LYPD1: variants seen among roughly 807,000 people sequenced by gnomAD.
LYPD1 encodes ly6/PLAUR domain-containing protein 1.
Under a neutral mutation model 14.2 loss-of-function variants are expected in LYPD1, and 14 were observed. That is an observed-to-expected ratio of 0.99 (90% CI 0.65 to 1.54). The LOEUF is 1.54. Among genes scored for constraint, LYPD1 ranks in the 40% most tolerant of loss-of-function variants. The pLI is 0.00. For synonymous variants in LYPD1, 85 were observed against 70.6 expected, an observed-to-expected ratio of 1.20 and a Z score of -1.02; for missense variants, 165 against 175.7, an observed-to-expected ratio of 0.94 and a Z score of 0.34.
intron 2 of LYPD1, among the ~76,000 whole-genome samples, chr2:132,651,432 A>C (rs908797796): frequency 6.6e-6 from 1 of 152,148 alleles, no homozygotes; most frequent in Non-Finnish European, 1.5e-5. Flanking sequence ...CCATAAGCTC[A>C]GGTCTGGGCC....
At chr2:132,649,109 G>A (rs1682259166) in intron 2 of LYPD1, among the ~76,000 whole-genome samples, 1 of 152,206 alleles carries the variant, frequency 6.6e-6, no homozygotes, top group South Asian at 2.1e-4. Flanking sequence ...GGGTATGGAG[G>A]AGCTAGCTTT....
intron 2 of LYPD1, among the ~76,000 whole-genome samples, chr2:132,653,631 A>T (rs561088469): frequency 1.3e-5 from 2 of 152,224 alleles, no homozygotes; most frequent in Non-Finnish European, 2.9e-5. Context: ...CAGTGTATTT[A>T]TATAGTTTCA....
chr2:132,667,909 T>G (rs996053035), intron 2 of LYPD1, among the ~76,000 whole-genome samples: 5 of 152,232 alleles, frequency 3.3e-5, no homozygotes, highest in Non-Finnish European at 7.3e-5. Flanking sequence ...TGCCTGGAAG[T>G]TGATGCATTA....
intron 2 of LYPD1, among the ~76,000 whole-genome samples, chr2:132,655,705 G>A (rs1402183110): frequency 2.6e-5 from 4 of 151,754 alleles, no homozygotes; most frequent in Non-Finnish European, 5.9e-5. Context: ...TAGTAGAGAT[G>A]GGGTTTCATC....
At chr2:132,658,914 C>G (rs1164855316) in intron 2 of LYPD1, among the ~76,000 whole-genome samples, 1 of 151,840 alleles carries the variant, frequency 6.6e-6, no homozygotes. Context: ...TAACCTGGAC[C>G]CCAGCTTCCT....
At chr2:132,664,699 C>A (rs1010115179) in intron 2 of LYPD1, among the ~76,000 whole-genome samples, 15 of 152,166 alleles carry the variant, frequency 9.9e-5, no homozygotes, top group African/African-American at 3.6e-4. Context: ...AAGAAATTGG[C>A]TAGTCTATAA....
At chr2:132,662,611 G>C (rs1683017748) in intron 2 of LYPD1, among the ~76,000 whole-genome samples, 1 of 152,106 alleles carries the variant, frequency 6.6e-6, no homozygotes, top group South Asian at 2.1e-4. Context: ...GAGAGGGAGG[G>C]CAGGCAAGGG....
At chr2:132,651,168 C>T (rs1175077243) in intron 2 of LYPD1, among the ~76,000 whole-genome samples, 1 of 152,182 alleles carries the variant, frequency 6.6e-6, no homozygotes, top group Admixed American at 6.5e-5. Context: ...CCTTTCTTAC[C>T]ATTTAAAATC....
In LYPD1 at chr2:132,645,999, G is replaced by A. The variant is rs376468874; in HGVS notation, c.*46C>T. The A allele has an allele frequency of 4.9e-5, 70 of 1,418,138 alleles. No individual in the cohort carries two copies. The African/African-American group carries it at 7.2e-4, about 15-fold the overall frequency. 87.8% of individuals were successfully genotyped at this position (1,418,138 alleles called of 1,614,324 possible). ...CTCAGGGAGGTGGGGGGTTGGGGGC[G>A]AGGGCTGGAAGAACAATGCAGGAGG... On this transcript the variant is annotated 3_prime_UTR_variant, in exon 3 of 3. Transcript: ENST00000397463.
At chr2:132,664,105 A>C (rs2709520) in intron 2 of LYPD1, among the ~76,000 whole-genome samples, 76,994 of 151,904 alleles carry the variant, frequency 0.51, 20,596 homozygotes, top group East Asian at 0.66. Flanking sequence ...GCATGCACTC[A>C]AAAGAATACA....
chr2:132,669,052 T>C lies in LYPD1; in HGVS notation c.53-515A>G, dbSNP rs1240593692. Among the ~76,000 whole-genome samples, 1 of 152,216 alleles carries C rather than the reference T, an allele frequency of 6.6e-6. No homozygotes were observed. Among genetic ancestry groups the C allele is most frequent in the African/African-American group, 2.4e-5 (1 of 41,456 alleles). On this transcript the variant is annotated intron_variant, in intron 1 of 2. Transcript: ENST00000397463. The surrounding 1 kb of genome is among the most constrained non-coding windows in gnomAD (Gnocchi z 4.3). ...CTCTGAGGATCCCTGAGCGACCACC[T>C]GGGAACAACTTGGGTGGAGGTGCCA...
chr2:132,657,137 C>A (rs1192980837), intron 2 of LYPD1, among the ~76,000 whole-genome samples: 1 of 152,196 alleles, frequency 6.6e-6, no homozygotes, highest in East Asian at 1.9e-4. Context: ...AGGCTGTTAA[C>A]CACTGATGTC....
intron 2 of LYPD1, chr2:132,666,612 T>A (rs1683289676): frequency 6.6e-6 from 1 of 152,208 alleles, no homozygotes; most frequent in Non-Finnish European, 1.5e-5. Context: ...ACTTGAAGTC[T>A]GTGCTGAAGT....
chr2:132,664,454 A>G (rs947741889), intron 2 of LYPD1, among the ~76,000 whole-genome samples: 2 of 152,234 alleles, frequency 1.3e-5, no homozygotes, highest in African/African-American at 2.4e-5. Flanking sequence ...AAAGGAAAAT[A>G]GCCATTACTT....
chr2:132,655,513 C>CCTTTTTTTT (rs1558879316), intron 2 of LYPD1, among the ~76,000 whole-genome samples: 1 of 61,016 alleles, frequency 1.6e-5, no homozygotes. Context: ...GGTTGAGAAG[C>CCTTTTTTTT]ATTTTTTTTT....
Position 132,645,693 on chromosome 2 carries a change from C to T in LYPD1, c.*352G>A, listed in dbSNP as rs1682030935. ...CACTCTGCAGTCTCAAACTATGCCCCCATCAGGGATGGAATGGACACTGGA... is the reference window on the plus strand; with the variant it reads ...CACTCTGCAGTCTCAAACTATGCCCTCATCAGGGATGGAATGGACACTGGA... On this transcript the variant is annotated 3_prime_UTR_variant, in exon 3 of 3. Coordinates refer to ENST00000397463, the MANE Select transcript of LYPD1 (RefSeq NM_144586.7). 1.3e-6 allele frequency: 2 copies of T among 1,506,554 alleles called. No individual in the cohort carries two copies. Among genetic ancestry groups the T allele is most frequent in the South Asian group, 2.6e-5 (2 of 75,472 alleles). 93.3% of individuals were successfully genotyped at this position (1,506,554 alleles called of 1,614,324 possible).
Position 132,670,087 on chromosome 2 carries a change from T to G in LYPD1, c.-155A>C. 6.8e-7 allele frequency: 1 copy of G among 1,476,170 alleles called. No individual in the cohort carries two copies. Among genetic ancestry groups the G allele is most frequent in the Non-Finnish European group, 8.9e-7 (1 of 1,121,320 alleles). The allele number at this position is 1,476,170 out of a possible 1,614,324, so 91.4% of individuals were successfully genotyped here. A position where few individuals can be genotyped will look rare whatever the true frequency, so the allele number is the denominator to read the frequency against. On this transcript the variant is annotated 5_prime_UTR_variant, in exon 1 of 3. Coordinates refer to ENST00000397463, the MANE Select transcript of LYPD1 (RefSeq NM_144586.7). The surrounding 1 kb of genome is among the most constrained non-coding windows in gnomAD (Gnocchi z 4.5). ...GGTCGTAGCTTAGAGGAGCCGCAGGTGCCGCTCGCGGAGCCTGCATCGCCC... is the reference window on the plus strand; with the variant it reads ...GGTCGTAGCTTAGAGGAGCCGCAGGGGCCGCTCGCGGAGCCTGCATCGCCC...
rs1270892860 is a variant in LYPD1, at chr2:132,643,370, C to T, written c.*2675G>A. 1.3e-5 allele frequency among the ~76,000 whole-genome samples: 2 copies of T among 152,116 alleles called. No homozygotes were observed. The highest frequency in any genetic ancestry group is 6.5e-5 in the Admixed American group (1 of 15,270). On this transcript the variant is annotated 3_prime_UTR_variant, in exon 3 of 3. Transcript: ENST00000397463. ...GAAATTAACAAAGGAGAAGAGTTTCCAAGGCCTTCCTTGCTCACATATGGA... is the reference window on the plus strand; with the variant it reads ...GAAATTAACAAAGGAGAAGAGTTTCTAAGGCCTTCCTTGCTCACATATGGA...
Position 132,645,635 on chromosome 2 carries a change from A to T in LYPD1, c.*410T>A, listed in dbSNP as rs1313396204. The T allele has an allele frequency of 1.3e-6, 2 of 1,590,832 alleles. No individual in the cohort carries two copies. The highest frequency in any genetic ancestry group is 2.7e-5 in the African/African-American group (2 of 74,142). On this transcript the variant is annotated 3_prime_UTR_variant, in exon 3 of 3. Transcript: ENST00000397463. ...TCAAGCGAGGGAGCCTTGAGTGGGAACTGGCCCTCCAGCCCTAAGAAAACG... is the reference window on the plus strand; with the variant it reads ...TCAAGCGAGGGAGCCTTGAGTGGGATCTGGCCCTCCAGCCCTAAGAAAACG...
Sources: gnomAD v4.1 joint callset for allele counts (sites outside exome capture counted in the v4.1 genomes callset) on GRCh38, gnomAD v4.1.1 for gene constraint, Gnocchi (gnomAD v3.1) non-coding constraint, MANE v1.5 for transcripts, NCBI Gene and HGNC (gene_info 2026-07-23, HGNC 2026-07-21) for gene names.